Variants in OCA2 observed in about 807,000 individuals in gnomAD.
OCA2 encodes the protein P protein.
A neutral mutation model predicts 100.2 loss-of-function variants in OCA2; 77 were observed. The observed-to-expected ratio is 0.77, with a 90% CI of 0.64 to 0.93. The LOEUF (loss-of-function observed/expected upper bound fraction) is 0.93, where lower values mean the gene tolerates loss of function less well. Among genes scored for constraint, OCA2 ranks in the 40% least tolerant of loss-of-function variants. The pLI, the probability that OCA2 is intolerant of heterozygous loss-of-function variation, is 0.00. For missense variants in OCA2, 1,062 were observed against 1,089.1 expected (o/e 0.98, Z 0.35); for synonymous variants, 432 against 439.2 (o/e 0.98, Z 0.21).
At chr15:27,988,984 G>T (rs1428222374) in intron 11 of OCA2, among the ~76,000 whole-genome samples, 4 of 152,186 alleles carry the variant, frequency 2.6e-5, no homozygotes, top group Non-Finnish European at 4.4e-5. Flanking sequence ...AAGTCTTCTA[G>T]CCCAGAGAGG....
At chr15:27,941,310 G>C (rs2039637402) in intron 18 of OCA2, among the ~76,000 whole-genome samples, 1 of 152,134 alleles carries the variant, frequency 6.6e-6, no homozygotes, top group Non-Finnish European at 1.5e-5. Context: ...ATAACTCACA[G>C]ATACTTTTAT....
intron 19 of OCA2, among the ~76,000 whole-genome samples, chr15:27,893,742 C>T (rs895902544): frequency 6.6e-6 from 1 of 152,132 alleles, no homozygotes; most frequent in Non-Finnish European, 1.5e-5. Context: ...TCTCTGCTCT[C>T]GAACCCTGTT....
intron 2 of OCA2, among the ~76,000 whole-genome samples, chr15:28,073,830 A>T (rs1190198866): frequency 6.6e-6 from 1 of 152,204 alleles, no homozygotes; most frequent in Non-Finnish European, 1.5e-5. Context: ...AATTCTAGAG[A>T]TGAAAAACAG....
At chr15:27,794,601 C>G (rs985815965) in intron 23 of OCA2, among the ~76,000 whole-genome samples, 1 of 152,086 alleles carries the variant, frequency 6.6e-6, no homozygotes, top group Non-Finnish European at 1.5e-5. Flanking sequence ...GCAAGAGGTA[C>G]CTGGATCACT....
chr15:27,741,553 G>A, the OCA2 span, among the ~76,000 whole-genome samples: 1 of 152,188 alleles, frequency 6.6e-6, no homozygotes, highest in South Asian at 2.1e-4. Context: ...GTACGGTTGG[G>A]CAAGTCAAGT....
chr15:27,860,510 A>G (rs1045986569), intron 21 of OCA2, among the ~76,000 whole-genome samples: 10 of 152,048 alleles, frequency 6.6e-5, no homozygotes, highest in Non-Finnish European at 1.0e-4. Context: ...TGTCATATGT[A>G]CCCAATATTT....
At chr15:28,044,373 C>T (rs1368820446) in intron 2 of OCA2, among the ~76,000 whole-genome samples, 1 of 152,180 alleles carries the variant, frequency 6.6e-6, no homozygotes, top group Non-Finnish European at 1.5e-5. Context: ...CTAAGCTCTT[C>T]TTCGAAAACC....
At chr15:28,004,787 TCA>T (rs368756816) in intron 9 of OCA2, among the ~76,000 whole-genome samples, 51 of 149,834 alleles carry the variant, frequency 3.4e-4, no homozygotes, top group African/African-American at 1.2e-3. Flanking sequence ...TCGCTGTGAC[TCA>T]CACACAGCCT....
the OCA2 span, among the ~76,000 whole-genome samples, chr15:27,720,610 A>G: frequency 6.6e-6 from 1 of 151,860 alleles, no homozygotes; most frequent in South Asian, 2.1e-4. Context: ...AAATGAATGC[A>G]TACTTATCAT....
At chr15:27,783,067 A>G (rs913271426) in intron 23 of OCA2, among the ~76,000 whole-genome samples, 1 of 152,214 alleles carries the variant, frequency 6.6e-6, no homozygotes, top group Non-Finnish European at 1.5e-5. Context: ...CATGTGCCTA[A>G]ATGGACCAGT....
At position 28,054,999 on chromosome 15, in the gene OCA2, G is replaced by A. The variant is rs544486931; in HGVS notation, c.228-22836C>T. Reference sequence around the variant, plus strand: ...GAATAGCATGGGGGAAACCACGCCCGTGATTCAATTATCTCCACCTGTTCC... The same window carrying A: ...GAATAGCATGGGGGAAACCACGCCCATGATTCAATTATCTCCACCTGTTCC... On this transcript the variant is annotated intron_variant, in intron 2 of 23. Transcript: ENST00000354638. Among the ~76,000 whole-genome samples the A allele has an allele frequency of 2.6e-5, 4 of 152,314 alleles. No individual in the cohort carries two copies. The South Asian group carries it at 6.2e-4, about 24-fold the overall frequency.
chr15:28,088,252 G>T (rs1248238250), intron 1 of OCA2, among the ~76,000 whole-genome samples: 1 of 152,280 alleles, frequency 6.6e-6, no homozygotes, highest in East Asian at 1.9e-4. Context: ...AAATTCTGTT[G>T]AATGTTTGAA....
At chr15:28,064,662 C>T (rs147331389) in intron 2 of OCA2, among the ~76,000 whole-genome samples, 2 of 151,954 alleles carry the variant, frequency 1.3e-5, no homozygotes, top group African/African-American at 4.8e-5. Flanking sequence ...TCATTTTGTT[C>T]ATACGGTGTT....
intron 23 of OCA2, among the ~76,000 whole-genome samples, chr15:27,795,607 C>T (rs2033296428): frequency 6.6e-6 from 1 of 152,234 alleles, no homozygotes; most frequent in African/African-American, 2.4e-5. Flanking sequence ...ACAACCATCT[C>T]TCTAGTTCTC....
intron 15 of OCA2, among the ~76,000 whole-genome samples, chr15:27,958,938 C>T (rs2040320663): frequency 6.6e-6 from 1 of 152,140 alleles, no homozygotes; most frequent in Non-Finnish European, 1.5e-5. Flanking sequence ...GCAGCATGAA[C>T]ATCGTGGGTT....
intron 19 of OCA2, among the ~76,000 whole-genome samples, chr15:27,913,667 C>T (rs1343147487): frequency 6.6e-6 from 1 of 151,394 alleles, no homozygotes; most frequent in Non-Finnish European, 1.5e-5. Context: ...TCTTCACATA[C>T]TGTATTTAAT....
chr15:27,897,139 G>A (rs1318167434), intron 19 of OCA2, among the ~76,000 whole-genome samples: 6 of 150,768 alleles, frequency 4.0e-5, no homozygotes, highest in South Asian at 2.1e-4. Context: ...GCAGTGAGAC[G>A]AGACGGTGCC....
chr15:28,065,137 G>T lies in OCA2; in HGVS notation c.227+16511C>A, dbSNP rs780570070. ...AAACACCTTTCCCAGTCTTTGCAAA[G>T]TGGCTCTGATGGAGCACTTCATCAA... On this transcript the variant is annotated intron_variant, in intron 2 of 23. Transcript: ENST00000354638. Among the ~76,000 whole-genome samples the T allele has an allele frequency of 2.0e-5, 3 of 152,188 alleles. No homozygotes were observed. In the South Asian group the frequency reaches 6.2e-4, roughly 32 times the overall value.
chr15:28,046,790 T>C (rs1215631393), intron 2 of OCA2, among the ~76,000 whole-genome samples: 1 of 152,160 alleles, frequency 6.6e-6, no homozygotes, highest in Non-Finnish European at 1.5e-5. Context: ...TGATGGAAAT[T>C]TGGGGTTATT....
Sources: gnomAD v4.1 joint callset for allele counts (sites outside exome capture counted in the v4.1 genomes callset) on GRCh38, gnomAD v4.1.1 for gene constraint, MANE v1.5 for transcripts, NCBI Gene and HGNC (gene_info 2026-07-23, HGNC 2026-07-21) for gene names.